KIF18A: variants seen among roughly 807,000 people sequenced by gnomAD.
KIF18A encodes the protein kinesin family member 18A.
KIF18A carries 67 observed loss-of-function variants against 103.3 expected under a neutral mutation model. The observed-to-expected ratio is 0.65, with a 90% CI of 0.53 to 0.79. KIF18A has a LOEUF of 0.79. Among genes scored for constraint, KIF18A ranks in the 30% least tolerant of loss-of-function variants. The pLI is 0.00. For missense variants in KIF18A, 1,032 were observed against 1,062.5 expected, an observed-to-expected ratio of 0.97 and a Z score of 0.40; for synonymous variants, 367 against 355.5, an observed-to-expected ratio of 1.03 and a Z score of -0.36.
At chr11:28,107,417 T>C (rs1188948981) in intron 1 of KIF18A, among the ~76,000 whole-genome samples, 1 of 151,794 alleles carries the variant, frequency 6.6e-6, no homozygotes, top group East Asian at 1.9e-4. Flanking sequence ...GAACAGACTA[T>C]AGGACTGATT....
chr11:28,070,629 T>C (rs1851000557), intron 10 of KIF18A, among the ~76,000 whole-genome samples: 1 of 152,028 alleles, frequency 6.6e-6, no homozygotes, highest in Non-Finnish European at 1.5e-5. Flanking sequence ...AGTAAGACAG[T>C]AACAAAAACA....
chr11:28,049,835 T>C (rs1051954981), intron 13 of KIF18A, among the ~76,000 whole-genome samples: 1 of 152,096 alleles, frequency 6.6e-6, no homozygotes, highest in South Asian at 2.1e-4. Flanking sequence ...ATGGAATTCA[T>C]AGTTGCAAAT....
chr11:28,101,578 T>C (rs1465140418), intron 1 of KIF18A, among the ~76,000 whole-genome samples: 1 of 152,124 alleles, frequency 6.6e-6, no homozygotes, highest in African/African-American at 2.4e-5. Flanking sequence ...ATCTGTAAAG[T>C]AAGACTAACA....
At chr11:28,050,525 C>T (rs1850698332) in intron 13 of KIF18A, among the ~76,000 whole-genome samples, 1 of 151,788 alleles carries the variant, frequency 6.6e-6, no homozygotes, top group Non-Finnish European at 1.5e-5. Context: ...TATATTCAAT[C>T]AGAATATTGG....
intron 14 of KIF18A, 57 bp downstream of exon 14, chr11:28,036,160 T>A: frequency 8.8e-7 from 1 of 1,131,892 alleles, no homozygotes; most frequent in Non-Finnish European, 1.2e-6. Context: ...AAACCTCAAC[T>A]AATAGTTGAA....
At position 28,058,980 on chromosome 11, in the gene KIF18A, T is replaced by A; in HGVS notation, c.1894A>T (p.Ile632Phe). The A allele has an allele frequency of 6.2e-7, 1 of 1,614,066 alleles. No homozygotes were observed. The stretch of plus-strand genomic sequence containing the variant: ...TGTGGAAAGGTCATAAGAACAGAAA[T>A]CCCTGGTAGATCGTTTTGCTTTGGT... Reference protein sequence around the residue: ...EQPKQNDLPGISVLMTFPQLG... With the variant: ...EQPKQNDLPGFSVLMTFPQLG... Residue 632 changes from isoleucine to phenylalanine, a missense_variant, in exon 13 of 17, where the codon ATT (isoleucine) becomes TTT (phenylalanine). Physicochemically the swap from Ile to Phe is conservative, Grantham distance 21 (BLOSUM62 0). Transcript: ENST00000263181.
Position 28,079,468 on chromosome 11 carries a change from G to T in KIF18A, c.1263-2299C>A, listed in dbSNP as rs578113730. On this transcript the variant is annotated intron_variant, in intron 9 of 16. Transcript: ENST00000263181. Reference sequence around the variant, plus strand: ...TTATGTAAAACTTCAACACACAAATGCAATTTTAAAAAATTATAGCTGAAT... The same window carrying T: ...TTATGTAAAACTTCAACACACAAATTCAATTTTAAAAAATTATAGCTGAAT... Among the ~76,000 whole-genome samples the T allele has an allele frequency of 1.4e-3, 218 of 152,076 alleles. 1 individual carries two copies. The highest frequency in any genetic ancestry group is 2.6e-3 in the Non-Finnish European group (174 of 67,912).
chr11:28,090,654 A>T lies in KIF18A; in HGVS notation c.662T>A (p.Met221Lys). The T allele has an allele frequency of 1.2e-6, 2 of 1,608,676 alleles. No individual in the cohort carries two copies. The highest frequency in any genetic ancestry group is 1.7e-5 in the Admixed American group (1 of 59,894). Residue 221 changes from methionine (M) to lysine (K), a missense_variant, in exon 5 of 17, where the codon ATG (methionine) becomes AAG (lysine). By Grantham distance (95) the Met-to-Lys change is moderately conservative. Transcript: ENST00000263181. ...NKNRTQHPTD[M>K]NATSSRSHAV... Reference sequence around the variant, plus strand: ...ATGAGAACGAGAAGATGTGGCATTCATATCAGTGGGATGTTGTGTCCTGTT... The same window carrying T: ...ATGAGAACGAGAAGATGTGGCATTCTTATCAGTGGGATGTTGTGTCCTGTT...
intron 1 of KIF18A, among the ~76,000 whole-genome samples, chr11:28,107,203 G>A (rs780689643): frequency 5.3e-5 from 8 of 152,064 alleles, no homozygotes; most frequent in African/African-American, 9.7e-5. Flanking sequence ...AGACGTGGTG[G>A]AATGACACTA....
chr11:28,048,110 C>T (rs1424413279), intron 13 of KIF18A, among the ~76,000 whole-genome samples: 1 of 151,990 alleles, frequency 6.6e-6, no homozygotes, highest in African/African-American at 2.4e-5. Context: ...TATAACTAGA[C>T]AAAAAGCACA....
intron 13 of KIF18A, among the ~76,000 whole-genome samples, chr11:28,044,703 T>G (rs1850607457): frequency 6.6e-6 from 1 of 152,100 alleles, no homozygotes; most frequent in South Asian, 2.1e-4. Flanking sequence ...TCAAAAGACT[T>G]TTAAGTATTA....
intron 13 of KIF18A, among the ~76,000 whole-genome samples, chr11:28,038,641 G>A (rs1245743446): frequency 6.6e-6 from 1 of 151,654 alleles, no homozygotes; most frequent in Non-Finnish European, 1.5e-5. Flanking sequence ...ATCAGCAACA[G>A]TACAAGCACT....
chr11:28,075,506 A>T (rs1160766445), intron 10 of KIF18A, among the ~76,000 whole-genome samples: 1 of 152,182 alleles, frequency 6.6e-6, no homozygotes, highest in Non-Finnish European at 1.5e-5. Flanking sequence ...TTTAATGAAT[A>T]AATTTTTAAT....
chr11:28,034,329 T>C (rs1193387132), intron 15 of KIF18A, among the ~76,000 whole-genome samples: 1 of 151,756 alleles, frequency 6.6e-6, no homozygotes, highest in Non-Finnish European at 1.5e-5. Context: ...GTGCCAAACA[T>C]TGATGCAGAG....
At chr11:28,053,034 T>C (rs1454008658) in intron 13 of KIF18A, among the ~76,000 whole-genome samples, 1 of 152,144 alleles carries the variant, frequency 6.6e-6, no homozygotes, top group African/African-American at 2.4e-5. Context: ...CTTTCAATGA[T>C]GAAAACCACA....
intron 6 of KIF18A, among the ~76,000 whole-genome samples, chr11:28,088,285 T>C (rs1431542900): frequency 6.6e-6 from 1 of 152,150 alleles, no homozygotes; most frequent in East Asian, 1.9e-4. Context: ...ACTATCAATC[T>C]GGTATTCATT....
chr11:28,031,422 A>G (rs566971607), intron 15 of KIF18A, among the ~76,000 whole-genome samples: 2 of 152,226 alleles, frequency 1.3e-5, no homozygotes, highest in Admixed American at 6.5e-5. Flanking sequence ...TCAGCAAACT[A>G]TCGCAAGGAC....
chr11:28,090,773 T>C (rs1851290593), intron 4 of KIF18A, 46 bp from the exon 5 acceptor site: 1 of 869,124 alleles, frequency 1.2e-6, no homozygotes, highest in South Asian at 1.5e-5. Context: ...CAGCAATATA[T>C]CTTTAAATTT....
Position 28,069,333 on chromosome 11 carries a change from C to T in KIF18A, c.1516G>A (p.Asp506Asn), listed in dbSNP as rs1309831270. 2.5e-6 allele frequency: 4 copies of T among 1,613,478 alleles called. No individual in the cohort carries two copies. The highest frequency in any genetic ancestry group is 3.4e-6 in the Non-Finnish European group (4 of 1,179,708). The change falls in exon 11 of 17, where the codon GAT becomes AAT. Residue 506 changes from aspartate to asparagine, a missense_variant. Asp to Asn is a conservative substitution (Grantham distance 23). Coordinates refer to ENST00000263181, the MANE Select transcript of KIF18A (RefSeq NM_031217.4). ...KRREEELKQF[D>N]ENTNWLHRVE... is the part of the protein sequence containing the mutation. ...CGATGGAGCCAATTAGTATTCTCAT[C>T]AAATTGCTTCAATTCCTCCTCCCTC...
Sources: allele counts gnomAD v4.1 joint callset (sites outside exome capture counted in the v4.1 genomes callset), GRCh38; gene constraint gnomAD v4.1.1; transcripts MANE v1.5; gene names NCBI Gene and HGNC (gene_info 2026-07-23, HGNC 2026-07-21).